The following CNTNAP5 variants were observed in gnomAD, a reference collection of about 807,000 sequenced individuals.
CNTNAP5 encodes contactin associated protein family member 5, also known as contactin-associated protein-like 5.
In CNTNAP5, 72 loss-of-function variants were observed where a neutral mutation model predicts 150.2. That is an observed-to-expected ratio of 0.48 (90% confidence interval 0.40 to 0.58). The LOEUF is 0.58. Among genes scored for constraint, CNTNAP5 ranks in the 20% least tolerant of loss-of-function variants. The pLI is 0.00. For synonymous variants in CNTNAP5, 672 were observed against 619.8 expected (o/e 1.08, Z -1.25); for missense variants, 1,636 against 1,626.2 (o/e 1.01, Z -0.10).
chr2:124,701,240 T>C (rs1314678511), intron 13 of CNTNAP5, among the ~76,000 whole-genome samples: 1 of 152,178 alleles, frequency 6.6e-6, no homozygotes, highest in African/African-American at 2.4e-5. Flanking sequence ...TGAATTATTA[T>C]TTTTTAGGAT....
At chr2:124,456,942 G>C (rs1222556121) in intron 6 of CNTNAP5, among the ~76,000 whole-genome samples, 1 of 152,204 alleles carries the variant, frequency 6.6e-6, no homozygotes. Flanking sequence ...TTAAATCTAA[G>C]ACCTGAAACT....
At chr2:124,086,272 T>TTATGATGGGTCTTGCTA (rs1682689884) in intron 1 of CNTNAP5, among the ~76,000 whole-genome samples, 17 of 148,550 alleles carry the variant, frequency 1.1e-4, no homozygotes, top group African/African-American at 4.0e-4. Flanking sequence ...TCTCGGCTCA[T>TTATGATGGGTCTTGCTA]TGCAAGCTCC....
intron 6 of CNTNAP5, among the ~76,000 whole-genome samples, chr2:124,463,996 A>C (rs1369886013): frequency 6.6e-6 from 1 of 152,114 alleles, no homozygotes; most frequent in Non-Finnish European, 1.5e-5. Context: ...TAGAGAAAAA[A>C]CAGTGAAGGT....
intron 13 of CNTNAP5, among the ~76,000 whole-genome samples, chr2:124,670,133 TTTCCTTCCTTCCTTCC>T (rs796656346): frequency 8.9e-6 from 1 of 112,608 alleles, no homozygotes; most frequent in East Asian, 2.5e-4. Flanking sequence ...TCCTTCCTTC[TTTCCTTCCTTCCTTCC>T]TTCCTTCCTT....
At chr2:124,662,754 T>C (rs966106764) in intron 13 of CNTNAP5, among the ~76,000 whole-genome samples, 1 of 152,228 alleles carries the variant, frequency 6.6e-6, no homozygotes, top group African/African-American at 2.4e-5. Context: ...AGGAGGGAGA[T>C]GTTTGCCAAC....
At chr2:124,619,888 CCTT>C (rs1266744201) in intron 12 of CNTNAP5, among the ~76,000 whole-genome samples, 2 of 121,612 alleles carry the variant, frequency 1.6e-5, no homozygotes, top group African/African-American at 7.5e-5. Flanking sequence ...TATATATACT[CCTT>C]CTCTCACTGT....
intron 3 of CNTNAP5, among the ~76,000 whole-genome samples, chr2:124,373,897 A>G (rs1292779461): frequency 1.3e-5 from 2 of 152,058 alleles, no homozygotes; most frequent in Non-Finnish European, 2.9e-5. Flanking sequence ...ATAAAATTAT[A>G]TTTATGAATA....
chr2:124,448,553 G>T (rs1428848583), intron 6 of CNTNAP5, among the ~76,000 whole-genome samples: 2 of 152,126 alleles, frequency 1.3e-5, no homozygotes, highest in Non-Finnish European at 2.9e-5. Context: ...TACCACAGAG[G>T]TTGACATACA....
intron 1 of CNTNAP5, among the ~76,000 whole-genome samples, chr2:124,075,866 C>T (rs546481294): frequency 4.8e-4 from 73 of 152,216 alleles, no homozygotes; most frequent in Middle Eastern, 3.4e-3. Context: ...TACTTTATGC[C>T]TTTACTCAAA....
chr2:124,480,078 C>T (rs1693730778), intron 7 of CNTNAP5, among the ~76,000 whole-genome samples: 1 of 152,184 alleles, frequency 6.6e-6, no homozygotes, highest in Non-Finnish European at 1.5e-5. Flanking sequence ...AATGCAGTCA[C>T]ATACAGTTCC....
At chr2:124,189,288 T>C (rs1039292649) in intron 1 of CNTNAP5, among the ~76,000 whole-genome samples, 1 of 152,160 alleles carries the variant, frequency 6.6e-6, no homozygotes, top group Non-Finnish European at 1.5e-5. Flanking sequence ...ATATTCTGAA[T>C]ACTTAATATT....
intron 17 of CNTNAP5, among the ~76,000 whole-genome samples, chr2:124,779,422 A>G (rs1681401487): frequency 6.6e-6 from 1 of 152,132 alleles, no homozygotes; most frequent in African/African-American, 2.4e-5. Context: ...CCCTAAAAAT[A>G]TCCTGTACCC....
chr2:124,774,878 G>A (rs1434441225), intron 17 of CNTNAP5, among the ~76,000 whole-genome samples: 3 of 152,148 alleles, frequency 2.0e-5, no homozygotes, highest in Non-Finnish European at 2.9e-5. Context: ...AGGGAAAGGC[G>A]GCAGCTGTGT....
intron 1 of CNTNAP5, among the ~76,000 whole-genome samples, chr2:124,201,598 T>A (rs1685727779): frequency 6.6e-6 from 1 of 152,246 alleles, no homozygotes; most frequent in Non-Finnish European, 1.5e-5. Context: ...CATTCTGGTG[T>A]ACAGAGTAAT....
At chr2:124,211,187 G>A (rs540765011) in intron 1 of CNTNAP5, among the ~76,000 whole-genome samples, 1 of 152,308 alleles carries the variant, frequency 6.6e-6, no homozygotes, top group African/African-American at 2.4e-5. Context: ...TAAAAACCGT[G>A]TGGATGGAAA....
At chr2:124,816,451 TC>T (rs1168184721) in intron 19 of CNTNAP5, among the ~76,000 whole-genome samples, 1 of 147,934 alleles carries the variant, frequency 6.8e-6, no homozygotes, top group African/African-American at 2.5e-5. Context: ...CTTGTGGCAC[TC>T]CCTATTGGCC....
At chr2:124,321,691 A>G (rs1403095597) in intron 3 of CNTNAP5, among the ~76,000 whole-genome samples, 1 of 152,206 alleles carries the variant, frequency 6.6e-6, no homozygotes, top group Non-Finnish European at 1.5e-5. Context: ...AAGTGTGGTT[A>G]GAAATTAATA....
At chr2:124,162,992 G>A (rs1411227855) in intron 1 of CNTNAP5, among the ~76,000 whole-genome samples, 2 of 151,296 alleles carry the variant, frequency 1.3e-5, no homozygotes, top group Admixed American at 1.3e-4. Flanking sequence ...TGACAAAAAA[G>A]GGGACCTCAA....
At chr2:124,266,555 A>G (rs1459368047) in intron 3 of CNTNAP5, among the ~76,000 whole-genome samples, 1 of 152,058 alleles carries the variant, frequency 6.6e-6, no homozygotes, top group Admixed American at 6.6e-5. Context: ...AGATTTCCCC[A>G]TGTGTGTCTT....
Sources: gnomAD v4.1 joint callset for allele counts (sites outside exome capture counted in the v4.1 genomes callset) on GRCh38, gnomAD v4.1.1 for gene constraint, MANE v1.5 for transcripts, NCBI Gene and HGNC (gene_info 2026-07-23, HGNC 2026-07-21) for gene names.